Variants in CTDNEP1 observed in about 807,000 individuals in gnomAD.
CTDNEP1 encodes the protein C-terminal domain nuclear envelope phosphatase 1.
A neutral mutation model predicts 30.1 loss-of-function variants in CTDNEP1; 3 were observed. That is an observed-to-expected ratio of 0.10 (90% confidence interval 0.05 to 0.26). CTDNEP1 has a LOEUF of 0.26. CTDNEP1 is among the 10% of genes least tolerant of loss of function. CTDNEP1 has a pLI of 1.00. For missense variants in CTDNEP1, 158 were observed against 310.4 expected, an observed-to-expected ratio of 0.51 and a Z score of 3.69; for synonymous variants, 123 against 118.8, an observed-to-expected ratio of 1.04 and a Z score of -0.23.
In CTDNEP1 at chr17:7,244,265, C is replaced by A. The variant is rs767728388; in HGVS notation, c.675-20G>T. 7.6e-5 allele frequency: 122 copies of A among 1,613,412 alleles called. No individual in the cohort carries two copies. The highest frequency in any genetic ancestry group is 1.0e-4 in the Non-Finnish European group (120 of 1,179,626). On this transcript the variant is annotated intron_variant, in intron 7 of 7. Transcript: ENST00000574322. Reference sequence around the variant, plus strand: ...GTGAACCTGGGGTGACAATAACTTGCATTGGTAGAGTACCTTATAGTTCAT... The same window carrying A: ...GTGAACCTGGGGTGACAATAACTTGAATTGGTAGAGTACCTTATAGTTCAT...
chr17:7,251,517 GCCCAC>G lies in CTDNEP1; in HGVS notation c.-226_-222del, dbSNP rs1436863229. ...GGACAGGCGTGGGCAGCCCGCGGGG[GCCCAC>G]ATGGGCTGGGAGTGGCACCGACGGC... On this transcript the variant is annotated 5_prime_UTR_variant, in exon 1 of 8. It removes an upstream start codon present in the reference 5' UTR. Transcript: ENST00000574322. 1.1e-5 allele frequency: 4 copies of G among 364,814 alleles called. No homozygotes were observed. The highest frequency in any genetic ancestry group is 2.2e-5 in the African/African-American group (1 of 46,372). 22.6% of individuals were successfully genotyped at this position (364,814 alleles called of 1,614,324 possible).
rs1245514241 is a variant in CTDNEP1 at position 7,246,848 on chromosome 17, T to C, written c.303A>G (p.Lys101=). ...PDFILKVVID[K]HPVRFFVHKR... ...TATGTACAAAAAACCGGACAGGATG[T>C]TTGTCTATTACCACCTACAGAGGAA... Residue 101 remains lysine (K), a synonymous_variant, in exon 4 of 8, where the codon AAA becomes AAG. Transcript: ENST00000574322. This position sits in a 1 kb window ranked among gnomAD's most constrained non-coding sequence, Gnocchi z 4.9. 1 of 1,613,866 alleles carries C rather than the reference T, an allele frequency of 6.2e-7. No individual in the cohort carries two copies. The highest frequency in any genetic ancestry group is 1.3e-5 in the African/African-American group (1 of 74,878).
At position 7,251,393 on chromosome 17, in the gene CTDNEP1, G is replaced by A. The variant is rs1303237542; in HGVS notation, c.-97C>T. 6.5e-6 allele frequency: 5 copies of A among 764,964 alleles called. No individual in the cohort carries two copies. Among genetic ancestry groups the A allele is most frequent in the African/African-American group, 3.7e-5 (2 of 53,604 alleles). 47.4% of individuals were successfully genotyped at this position (764,964 alleles called of 1,614,324 possible). A position where few individuals can be genotyped will look rare whatever the true frequency, so the allele number is the denominator to read the frequency against. On this transcript the variant is annotated 5_prime_UTR_variant, in exon 1 of 8. Coordinates refer to ENST00000574322, the MANE Select transcript of CTDNEP1 (RefSeq NM_001143775.2). The stretch of plus-strand genomic sequence containing the variant: ...CCCGCCGCCGGGAGGGGGAACGGGG[G>A]CCCCGAGTGGCAGGAGAGGCTGCAG...
At chr17:7,249,501 G>A (rs1381860245) in intron 1 of CTDNEP1, among the ~76,000 whole-genome samples, 1 of 152,228 alleles carries the variant, frequency 6.6e-6, no homozygotes. Context: ...TGGGGTCAGT[G>A]CTGCCCAAAG....
intron 1 of CTDNEP1, among the ~76,000 whole-genome samples, chr17:7,248,270 A>C (rs2071870563): frequency 6.7e-6 from 1 of 148,398 alleles, no homozygotes; most frequent in South Asian, 2.1e-4. Context: ...AAAAAAAAAA[A>C]AAAAAAAAAA....
chr17:7,247,470 CT>C (rs763334733), intron 1 of CTDNEP1, 127 bp from the exon 2 acceptor site: 91,493 of 520,022 alleles, frequency 0.18, no homozygotes, highest in South Asian at 0.24. Flanking sequence ...ATTTCTTCTT[CT>C]TTTTTTTTTT....
At chr17:7,248,077 A>G (rs183459741) in intron 1 of CTDNEP1, among the ~76,000 whole-genome samples, 2 of 151,204 alleles carry the variant, frequency 1.3e-5, no homozygotes, top group African/African-American at 2.4e-5. Context: ...CCTGGCCAAC[A>G]TGGTGAAACC....
rs1418740795 is a variant in CTDNEP1, at chr17:7,246,333, C to T, written c.398G>A (p.Ser133Asn). 6.2e-7 allele frequency: 1 copy of T among 1,613,940 alleles called. No individual in the cohort carries two copies. The highest frequency in any genetic ancestry group is 8.5e-7 in the Non-Finnish European group (1 of 1,179,988). The part of the protein sequence containing the change: ...QWYELVVFTA[S>N]MEIYGSAVAD... ...CACAGCAGAGCCATAGATCTCCATG[C>T]TTGCTGTAAACACCACCAGCTCGTA... Residue 133 changes from serine to asparagine, a missense_variant, in exon 5 of 8, where the codon AGC (serine) becomes AAC (asparagine). Transcript: ENST00000574322. This position sits in a 1 kb window ranked among gnomAD's most constrained non-coding sequence, Gnocchi z 4.9.
In CTDNEP1 at chr17:7,251,116, A is replaced by G; in HGVS notation, c.102+79T>C. The G allele has an allele frequency of 2.9e-6, 3 of 1,019,504 alleles. No individual in the cohort carries two copies. The South Asian group carries it at 5.2e-5, about 18-fold the overall frequency. 63.2% of individuals were successfully genotyped at this position (1,019,504 alleles called of 1,614,324 possible). On this transcript the variant is annotated intron_variant, in intron 1 of 7. Transcript: ENST00000574322. ...GCCCAAACAGAGGCCCGACACTCCG[A>G]AAACCCCTGAGCACCACGGACAGAT...
chr17:7,251,067 C>T, intron 1 of CTDNEP1, 128 bp downstream of exon 1: 2 of 614,406 alleles, frequency 3.3e-6, no homozygotes, highest in Non-Finnish European at 2.7e-6. Flanking sequence ...GCGAGAAAAG[C>T]CCCAGCCAGG....
Position 7,246,886 on chromosome 17 carries a change from G to A in CTDNEP1, c.289-24C>T. 1 of 1,606,330 alleles carries A rather than the reference G, an allele frequency of 6.2e-7. No homozygotes were observed. The highest frequency in any genetic ancestry group is 1.1e-5 in the South Asian group (1 of 90,878). On this transcript the variant is annotated intron_variant, in intron 3 of 7. Coordinates refer to ENST00000574322, the MANE Select transcript of CTDNEP1 (RefSeq NM_001143775.2). This position sits in a 1 kb window ranked among gnomAD's most constrained non-coding sequence, Gnocchi z 4.9. ...ACCTACAGAGGAACAAGATGGGCTG[G>A]GGGATGTCATGACCACCACAACCCA... is the stretch of plus-strand genomic sequence containing the variant.
Position 7,244,852 on chromosome 17 carries a change from T to C in CTDNEP1, c.590-217A>G, listed in dbSNP as rs1162595928. On this transcript the variant is annotated intron_variant, in intron 6 of 7. Transcript: ENST00000574322. The stretch of plus-strand genomic sequence containing the variant: ...ATGCTTCTAGTCAAGCTTACTGCCA[T>C]TGTGCCTCACTTGAAACACACTTGG... The C allele has an allele frequency of 3.2e-5, 16 of 494,344 alleles. 1 individual carries two copies. The highest frequency in any genetic ancestry group is 7.2e-6 in the Non-Finnish European group (2 of 278,492). The allele number at this position is 494,344 out of a possible 1,614,324, so 30.6% of individuals were successfully genotyped here.
intron 1 of CTDNEP1, among the ~76,000 whole-genome samples, chr17:7,250,168 G>A (rs2071893963): frequency 6.6e-6 from 1 of 151,984 alleles, no homozygotes; most frequent in Admixed American, 6.6e-5. Context: ...GAAATTCTCT[G>A]GACCCCAGGT....
rs1434199647 is a variant in CTDNEP1, at chr17:7,251,387, A to AC, written c.-92dup. On this transcript the variant is annotated 5_prime_UTR_variant, in exon 1 of 8. Transcript: ENST00000574322. ...CAGCCCCCCGCCGCCGGGAGGGGGAACGGGGGCCCCGAGTGGCAGGAGAGG... is the reference window on the plus strand; with the variant it reads ...CAGCCCCCCGCCGCCGGGAGGGGGAACCGGGGGCCCCGAGTGGCAGGAGAGG... The AC allele has an allele frequency of 1.1e-6, 1 of 881,692 alleles. No individual in the cohort carries two copies. The highest frequency in any genetic ancestry group is 1.6e-6 in the Non-Finnish European group (1 of 637,516). 54.6% of individuals were successfully genotyped at this position (881,692 alleles called of 1,614,324 possible).
chr17:7,246,383 G>A lies in CTDNEP1; in HGVS notation c.361-13C>T. The A allele has an allele frequency of 6.3e-7, 1 of 1,579,512 alleles. No individual in the cohort carries two copies. The highest frequency in any genetic ancestry group is 8.7e-7 in the Non-Finnish European group (1 of 1,149,830). ...ACCACTGGCTCACCTGAAATAGATTGGGGGAGAGGGCGATGCCATACAAGG... is the reference window on the plus strand; with the variant it reads ...ACCACTGGCTCACCTGAAATAGATTAGGGGAGAGGGCGATGCCATACAAGG... On this transcript the variant is annotated splice_polypyrimidine_tract_variant and intron_variant, in intron 4 of 7. Transcript: ENST00000574322. This position sits in a 1 kb window ranked among gnomAD's most constrained non-coding sequence, Gnocchi z 4.9.
At chr17:7,245,605 TCTC>T (rs2071826632) in intron 6 of CTDNEP1, among the ~76,000 whole-genome samples, 1 of 151,764 alleles carries the variant, frequency 6.6e-6, no homozygotes, top group Non-Finnish European at 1.5e-5. Context: ...TTCAAGCGAT[TCTC>T]CTGCCTCAGC....
chr17:7,243,937 CGCCTGTGTCCCA>C lies in CTDNEP1; in HGVS notation c.*236_*247del, dbSNP rs575100595. ...CACTGATTCGGCTCTCCTAGGCTTC[CGCCTGTGTCCCA>C]GTCTGGGGTTTCCATGGAGTGTGAA... On this transcript the variant is annotated 3_prime_UTR_variant, in exon 8 of 8. Coordinates refer to ENST00000574322, the MANE Select transcript of CTDNEP1 (RefSeq NM_001143775.2). The C allele has an allele frequency of 4.4e-5, 59 of 1,352,168 alleles. No individual in the cohort carries two copies. In the African/African-American group the frequency reaches 7.6e-4, roughly 17 times the overall value. 83.8% of individuals were successfully genotyped at this position (1,352,168 alleles called of 1,614,324 possible).
chr17:7,244,469 C>G (rs2071812940), intron 7 of CTDNEP1, 82 bp downstream of exon 7: 1 of 1,389,552 alleles, frequency 7.2e-7, no homozygotes, highest in Middle Eastern at 1.9e-4. Context: ...TAAAACAGGA[C>G]AAACCTTTTT....
chr17:7,244,449 G>A, intron 7 of CTDNEP1, 102 bp downstream of exon 7: 2 of 1,292,626 alleles, frequency 1.5e-6, no homozygotes, highest in Admixed American at 1.8e-5. Context: ...AATTCTTAAG[G>A]GAACAGAGTT....
Sources: gnomAD v4.1 joint callset for allele counts (sites outside exome capture counted in the v4.1 genomes callset) on GRCh38, gnomAD v4.1.1 for gene constraint, Gnocchi (gnomAD v3.1) non-coding constraint, MANE v1.5 for transcripts, NCBI Gene and HGNC (gene_info 2026-07-23, HGNC 2026-07-21) for gene names.